Variants in KIFC3 observed in about 807,000 individuals in gnomAD.
The protein encoded by KIFC3 is kinesin family member C3, also known as kinesin-like protein KIFC3.
A neutral mutation model predicts 101.8 loss-of-function variants in KIFC3; 60 were observed. The ratio of observed to expected loss-of-function variants is 0.59; its 90% CI spans 0.48 to 0.73. The LOEUF (loss-of-function observed/expected upper bound fraction) is 0.73. KIFC3 is among the 30% of genes least tolerant of loss of function. The pLI is 0.00. For synonymous variants in KIFC3, 476 were observed against 482.7 expected (o/e 0.99, Z 0.18); for missense variants, 966 against 1,137.1 (o/e 0.85, Z 2.16).
chr16:57,822,197 C>T (rs1445104278), intron 1 of KIFC3, among the ~76,000 whole-genome samples: 2 of 152,174 alleles, frequency 1.3e-5, no homozygotes, highest in Non-Finnish European at 2.9e-5. Context: ...GAGCACCTTT[C>T]GGGGCTGAGC....
chr16:57,780,944 G>A (rs1184029627), intron 3 of KIFC3, among the ~76,000 whole-genome samples: 1 of 151,940 alleles, frequency 6.6e-6, no homozygotes, highest in Non-Finnish European at 1.5e-5. Context: ...CAAAGTGCTG[G>A]GATTACAGGT....
Position 57,773,516 on chromosome 16 carries a change from C to T in KIFC3, c.316-1228G>A, listed in dbSNP as rs113543038. 7.8e-3 allele frequency among the ~76,000 whole-genome samples: 1,183 copies of T among 152,306 alleles called. 15 individuals are homozygous for T. The highest frequency in any genetic ancestry group is 0.027 in the African/African-American group (1,114 of 41,560). On this transcript the variant is annotated intron_variant, in intron 3 of 19. Coordinates refer to ENST00000445690, the MANE Select transcript of KIFC3 (RefSeq NM_001130100.2). ...AAAAGTTTCAAAACTCAGCCGAGTG[C>T]ACCAGTGCACGCTTATAATCCCAGC...
At chr16:57,824,655 C>T (rs1170993663) in intron 1 of KIFC3, among the ~76,000 whole-genome samples, 1 of 152,100 alleles carries the variant, frequency 6.6e-6, no homozygotes, top group Non-Finnish European at 1.5e-5. Flanking sequence ...TGCACTCCAC[C>T]CTGGATGACA....
chr16:57,839,291 C>T (rs2055756120), intron 1 of KIFC3, among the ~76,000 whole-genome samples: 1 of 152,038 alleles, frequency 6.6e-6, no homozygotes, highest in Non-Finnish European at 1.5e-5. Flanking sequence ...GTAATCCCAG[C>T]ACTTTGGGGA....
chr16:57,785,549 A>T (rs1259759307), intron 3 of KIFC3: 2 of 1,288,526 alleles, frequency 1.6e-6, no homozygotes, highest in Non-Finnish European at 2.0e-6. Context: ...CTCCTCCTGT[A>T]GCTGGGTCTT....
intron 1 of KIFC3, among the ~76,000 whole-genome samples, chr16:57,825,882 T>C (rs2055447591): frequency 6.6e-6 from 1 of 152,206 alleles, no homozygotes. Flanking sequence ...AGTTTTGCCA[T>C]GTTGCTCAGG....
At chr16:57,831,747 C>A (rs1407077690) in intron 1 of KIFC3, among the ~76,000 whole-genome samples, 3 of 152,160 alleles carry the variant, frequency 2.0e-5, no homozygotes, top group Non-Finnish European at 4.4e-5. Flanking sequence ...GTCTGACAAG[C>A]TCTCCGTGGA....
At chr16:57,765,420 C>A in intron 11 of KIFC3, 39 bp downstream of exon 11, 1 of 1,536,520 alleles carries the variant, frequency 6.5e-7, no homozygotes, top group South Asian at 1.2e-5. Context: ...CTTTCCCTCT[C>A]TCCCTTGCTT....
rs554436379 is a variant in KIFC3, at chr16:57,843,853, A to C, written c.108+18876T>G. The stretch of plus-strand genomic sequence containing the variant: ...CCGGGCATGGTGGCTCACGCTCATA[A>C]TCCCAGCACTTTGGGAGGCCAAGGT... On this transcript the variant is annotated intron_variant, in intron 1 of 2. Coordinates refer to the KIFC3 transcript ENST00000563028. Among the ~76,000 whole-genome samples, 19 of 152,338 alleles carry C rather than the reference A, an allele frequency of 1.2e-4. No individual in the cohort carries two copies. In the South Asian group the frequency reaches 3.5e-3, roughly 28 times the overall value.
upstream of KIFC3, chr16:57,802,561 C>A: frequency 3.0e-6 from 3 of 991,694 alleles, no homozygotes; most frequent in Non-Finnish European, 3.6e-6. The surrounding 1 kb of genome is among the most constrained non-coding windows in gnomAD (Gnocchi z 5.0). Flanking sequence ...GGCTCCGACC[C>A]CGGCGGGGGG....
intron 1 of KIFC3, among the ~76,000 whole-genome samples, chr16:57,845,193 G>A (rs1310203313): frequency 3.3e-5 from 5 of 152,032 alleles, no homozygotes; most frequent in East Asian, 1.9e-4. Context: ...CAGTGACTCC[G>A]TGCAAACCCT....
In KIFC3 at chr16:57,853,105, A is replaced by C. The variant is rs76970065; in HGVS notation, c.108+9624T>G. ...ATAATCAAAACCCAATAGATAAATT[A>C]AAATGGTATACTAAAAGTATTCAAA... On this transcript the variant is annotated intron_variant, in intron 1 of 2. Transcript: ENST00000563028. Among the ~76,000 whole-genome samples, 260 of 152,290 alleles carry C rather than the reference A, an allele frequency of 1.7e-3. 8 individuals are homozygous for C. In the East Asian group the frequency reaches 0.045, roughly 26 times the overall value.
At chr16:57,795,204 G>C (rs2054192454) in intron 2 of KIFC3, 63 bp from the exon 3 acceptor site, 1 of 1,575,784 alleles carries the variant, frequency 6.3e-7, no homozygotes, top group Non-Finnish European at 8.6e-7. Flanking sequence ...GCTAGCCATG[G>C]ACCACTGGCC....
At chr16:57,816,290 A>G in intron 1 of KIFC3, 1 of 1,251,580 alleles carries the variant, frequency 8.0e-7, no homozygotes, top group Non-Finnish European at 1.0e-6. Flanking sequence ...CAGAAGCCTG[A>G]GGAAGTAAGG....
intron 3 of KIFC3, 37 bp from the exon 4 acceptor site, chr16:57,772,325 TCCTCAGCTCCAG>T (rs2051356912): frequency 6.3e-7 from 1 of 1,579,722 alleles, no homozygotes; most frequent in East Asian, 2.2e-5. Context: ...TGAGCCTCAG[TCCTCAGCTCCAG>T]CCTACACCCA....
intron 3 of KIFC3, among the ~76,000 whole-genome samples, chr16:57,786,522 G>A (rs371236075): frequency 9.9e-5 from 15 of 152,196 alleles, no homozygotes; most frequent in African/African-American, 3.6e-4. Flanking sequence ...AGAGAAGAAT[G>A]GGGGGCTAGG....
At chr16:57,790,499 A>C (rs1004459613) in intron 3 of KIFC3, among the ~76,000 whole-genome samples, 4 of 152,044 alleles carry the variant, frequency 2.6e-5, no homozygotes, top group Non-Finnish European at 5.9e-5. Context: ...ACTCTTTTAA[A>C]AGTGCTCAGT....
chr16:57,760,008 A>T, intron 17 of KIFC3, 172 bp from the exon 18 acceptor site: 1 of 617,078 alleles, frequency 1.6e-6, no homozygotes, highest in Non-Finnish European at 2.8e-6. Flanking sequence ...AAATGAGATA[A>T]TTCATGTAAA....
chr16:57,836,027 CTAG>C (rs1442773703), intron 1 of KIFC3, among the ~76,000 whole-genome samples: 2 of 152,194 alleles, frequency 1.3e-5, no homozygotes, highest in Non-Finnish European at 2.9e-5. Context: ...CCAGAACACA[CTAG>C]ATTCCAGAGG....
Sources: allele counts gnomAD v4.1 joint callset (sites outside exome capture counted in the v4.1 genomes callset), GRCh38; gene constraint gnomAD v4.1.1; non-coding constraint Gnocchi (gnomAD v3.1); transcripts MANE v1.5; gene names NCBI Gene and HGNC (gene_info 2026-07-23, HGNC 2026-07-21).